ANO3: variants seen among roughly 807,000 people sequenced by gnomAD.
The protein encoded by ANO3 is anoctamin-3.
In ANO3, 99 loss-of-function variants were observed where a neutral mutation model predicts 144.8. That is an observed-to-expected ratio of 0.68 (90% CI 0.58 to 0.81). The LOEUF is 0.81. Ranked by LOEUF, ANO3 falls within the 30% of genes least tolerant of loss-of-function variation. The pLI, the probability that ANO3 is intolerant of heterozygous loss-of-function variation, is 0.00. For missense variants in ANO3, 905 were observed against 1,202.2 expected (o/e 0.75, Z 3.66); for synonymous variants, 414 against 392.6 (o/e 1.05, Z -0.64).
At chr11:26,189,731 C>T (rs1851440036) in intron 1 of ANO3, among the ~76,000 whole-genome samples, 1 of 152,012 alleles carries the variant, frequency 6.6e-6, no homozygotes, top group African/African-American at 2.4e-5. Context: ...CATTCGTATG[C>T]ACAATTATAT....
At chr11:26,597,381 G>T (rs928351852) in intron 14 of ANO3, among the ~76,000 whole-genome samples, 1 of 152,202 alleles carries the variant, frequency 6.6e-6, no homozygotes, top group African/African-American at 2.4e-5. Context: ...GTGTTCAGCT[G>T]GATTAGGACG....
intron 3 of ANO3, among the ~76,000 whole-genome samples, chr11:26,452,138 CAG>C (rs1858968222): frequency 1.3e-5 from 2 of 152,182 alleles, no homozygotes; most frequent in South Asian, 4.1e-4. Flanking sequence ...GGGGAAAAAA[CAG>C]AGCAGAAAAA....
At chr11:26,642,051 G>T in intron 22 of ANO3, 22 bp downstream of exon 22, 1 of 1,604,494 alleles carries the variant, frequency 6.2e-7, no homozygotes, top group Non-Finnish European at 8.5e-7. Context: ...AAATCTGCAG[G>T]ACTATTTGGC....
At chr11:26,578,820 CCAGCACT>C (rs1225573270) in intron 14 of ANO3, among the ~76,000 whole-genome samples, 2 of 152,248 alleles carry the variant, frequency 1.3e-5, no homozygotes, top group Non-Finnish European at 2.9e-5. Flanking sequence ...CCTTTTCTTT[CCAGCACT>C]CAAGTGACTC....
chr11:26,199,388 T>C (rs952803801), intron 1 of ANO3, among the ~76,000 whole-genome samples: 15 of 152,284 alleles, frequency 9.9e-5, no homozygotes, highest in Non-Finnish European at 5.9e-5. Context: ...TCTTGGGCTG[T>C]TTACAGAAAC....
intron 1 of ANO3, among the ~76,000 whole-genome samples, chr11:26,226,303 G>T (rs1852255655): frequency 1.3e-5 from 2 of 151,314 alleles, no homozygotes; most frequent in African/African-American, 4.9e-5. Context: ...TTGATTTATA[G>T]ATACCTACAC....
intron 1 of ANO3, among the ~76,000 whole-genome samples, chr11:26,199,426 C>A (rs1269770969): frequency 6.6e-6 from 1 of 152,076 alleles, no homozygotes; most frequent in Non-Finnish European, 1.5e-5. Context: ...ATTGGCCAAG[C>A]CTGTCTGATT....
intron 5 of ANO3, among the ~76,000 whole-genome samples, chr11:26,516,002 A>G (rs1205177556): frequency 6.6e-6 from 1 of 151,940 alleles, no homozygotes; most frequent in East Asian, 1.9e-4. Flanking sequence ...TATGATGCCT[A>G]GGTAGTCAGT....
chr11:26,597,216 G>A (rs953808661), intron 14 of ANO3, among the ~76,000 whole-genome samples: 11 of 152,094 alleles, frequency 7.2e-5, no homozygotes, highest in East Asian at 1.9e-4. Flanking sequence ...AAGATGGGGC[G>A]GGCTGCTCCC....
intron 1 of ANO3, among the ~76,000 whole-genome samples, chr11:26,386,622 T>C (rs367570150): frequency 1.3e-5 from 2 of 152,168 alleles, no homozygotes; most frequent in Non-Finnish European, 2.9e-5. Context: ...GAATACAACA[T>C]TATTTCTGTA....
intron 18 of ANO3, among the ~76,000 whole-genome samples, chr11:26,629,339 C>A (rs1203827461): frequency 3.9e-5 from 6 of 152,154 alleles, no homozygotes; most frequent in Non-Finnish European, 7.3e-5. Flanking sequence ...GTCCTTCACT[C>A]TACAATGTTC....
At chr11:26,328,763 T>C (rs1378973416), upstream of ANO3, among the ~76,000 whole-genome samples, 2 of 152,070 alleles carry the variant, frequency 1.3e-5, no homozygotes, top group African/African-American at 2.4e-5. Flanking sequence ...ATTGAAGTTG[T>C]AGCAAGACAG....
chr11:26,433,966 G>T (rs79275230), intron 1 of ANO3, among the ~76,000 whole-genome samples: 1 of 152,112 alleles, frequency 6.6e-6, no homozygotes, highest in Admixed American at 6.6e-5. Flanking sequence ...GTTTCAGTAG[G>T]AATGCTATCA....
At chr11:26,355,239 T>A (rs1855748805) in intron 1 of ANO3, among the ~76,000 whole-genome samples, 1 of 152,192 alleles carries the variant, frequency 6.6e-6, no homozygotes, top group Non-Finnish European at 1.5e-5. Flanking sequence ...AGTGAAGAGT[T>A]GATTTTTTGA....
chr11:26,652,836 T>A (rs1009922684), intron 24 of ANO3, among the ~76,000 whole-genome samples: 1 of 152,240 alleles, frequency 6.6e-6, no homozygotes, highest in Admixed American at 6.5e-5. Context: ...TCATGATGAC[T>A]TTCACATTGT....
intron 4 of ANO3, among the ~76,000 whole-genome samples, chr11:26,489,224 C>T (rs963362210): frequency 2.6e-5 from 4 of 152,030 alleles, no homozygotes; most frequent in Non-Finnish European, 4.4e-5. Flanking sequence ...AAGGGGCCAA[C>T]GTAGAGCTCA....
chr11:26,353,513 A>C (rs1025132152), intron 1 of ANO3, among the ~76,000 whole-genome samples: 3 of 152,124 alleles, frequency 2.0e-5, no homozygotes, highest in African/African-American at 7.2e-5. Context: ...TTCAAGGCTA[A>C]TCTCAGCCAC....
At position 26,514,775 on chromosome 11, in the gene ANO3, G is replaced by A. The variant is rs369947649; in HGVS notation, c.592-2052G>A. Among the ~76,000 whole-genome samples the A allele has an allele frequency of 9.2e-5, 14 of 152,112 alleles. No homozygotes were observed. The South Asian group carries it at 1.7e-3, about 18-fold the overall frequency. On this transcript the variant is annotated intron_variant, in intron 5 of 26. Coordinates refer to ENST00000256737, the MANE Select transcript of ANO3 (RefSeq NM_031418.4). Reference sequence around the variant, plus strand: ...GAAAATGTATAATAAAACTTAACACGTCTTTCACTTGCCCTGGATGAAGGA... The same window carrying A: ...GAAAATGTATAATAAAACTTAACACATCTTTCACTTGCCCTGGATGAAGGA...
chr11:26,322,787 C>A (rs915733831), intron 1 of ANO3, among the ~76,000 whole-genome samples: 3 of 152,084 alleles, frequency 2.0e-5, no homozygotes, highest in Non-Finnish European at 4.4e-5. Context: ...CTTTCCCATA[C>A]TGTACTCATA....
Sources: gnomAD v4.1 joint callset for allele counts (sites outside exome capture counted in the v4.1 genomes callset) on GRCh38, gnomAD v4.1.1 for gene constraint, MANE v1.5 for transcripts, NCBI Gene and HGNC (gene_info 2026-07-23, HGNC 2026-07-21) for gene names.